The following HDAC8 variants were observed in gnomAD, a reference collection of about 807,000 sequenced individuals.
The protein encoded by HDAC8 is histone deacetylase-like 1.
HDAC8 carries 1 observed loss-of-function variant against 32.2 expected under a neutral mutation model. That is an observed-to-expected ratio of 0.03 (90% confidence interval 0.01 to 0.15). The LOEUF is 0.15. HDAC8 is among the 10% of genes least tolerant of loss of function. The pLI, the probability that HDAC8 is intolerant of heterozygous loss-of-function variation, is 1.00. For missense variants in HDAC8, 117 were observed against 300.0 expected, an observed-to-expected ratio of 0.39 and a Z score of 4.51; for synonymous variants, 108 against 113.9, an observed-to-expected ratio of 0.95 and a Z score of 0.33.
chrX:72,368,006 C>T (rs1164636810), intron 9 of HDAC8, among the ~76,000 whole-genome samples: 1 of 113,285 alleles, frequency 8.8e-6, no homozygotes, highest in Non-Finnish European at 1.9e-5. Context: ...GAGCTAAATT[C>T]AGAGCTACTG....
At chrX:72,371,490 G>A (rs1468911266) in intron 9 of HDAC8, among the ~76,000 whole-genome samples, 1 of 111,468 alleles carries the variant, frequency 9.0e-6, no homozygotes, top group African/African-American at 3.3e-5. Flanking sequence ...GCCACTTTTG[G>A]GAACTAGGAA....
At chrX:72,376,708 C>T (rs1401996174) in intron 9 of HDAC8, among the ~76,000 whole-genome samples, 3 of 111,734 alleles carry the variant, frequency 2.7e-5, no homozygotes, top group Admixed American at 9.5e-5. Flanking sequence ...TGTGAGCCAC[C>T]ATGCCCCACC....
intron 10 of HDAC8, among the ~76,000 whole-genome samples, chrX:72,340,685 C>G (rs1602521959): frequency 1.8e-5 from 2 of 111,986 alleles, no homozygotes; most frequent in Admixed American, 1.9e-4. Flanking sequence ...AAGATAAATT[C>G]TCCAGGACAA....
At chrX:72,521,333 T>C (rs1459272851) in intron 4 of HDAC8, among the ~76,000 whole-genome samples, 1 of 111,599 alleles carries the variant, frequency 9.0e-6, no homozygotes, top group Non-Finnish European at 1.9e-5. Context: ...GACTATGCTA[T>C]AATCCATTTC....
intron 9 of HDAC8, among the ~76,000 whole-genome samples, chrX:72,358,989 G>GT (rs1314477623): frequency 1.8e-5 from 2 of 111,445 alleles, no homozygotes; most frequent in African/African-American, 6.5e-5. Flanking sequence ...CTCTTGCTGT[G>GT]TGTCCCGGTT....
intron 7 of HDAC8, among the ~76,000 whole-genome samples, chrX:72,478,741 C>T (rs1329663307): frequency 5.6e-5 from 6 of 106,294 alleles, no homozygotes; most frequent in Non-Finnish European, 5.8e-5. Context: ...GTAACCTCCG[C>T]CTCCTGGGTT....
intron 10 of HDAC8, among the ~76,000 whole-genome samples, chrX:72,347,482 G>A (rs1802078052): frequency 9.0e-6 from 1 of 111,621 alleles, no homozygotes; most frequent in Non-Finnish European, 1.9e-5. Flanking sequence ...TCTCACAAAT[G>A]CACAACTCCC....
At chrX:72,457,993 T>TAC (rs782161512) in intron 9 of HDAC8, among the ~76,000 whole-genome samples, 115 of 108,441 alleles carry the variant, frequency 1.1e-3, no homozygotes, top group East Asian at 2.6e-3. Context: ...CACATATACA[T>TAC]ACACACACAC....
chrX:72,364,663 T>C lies in HDAC8; in HGVS notation c.1006-12825A>G, dbSNP rs782721356. 9.9e-5 allele frequency among the ~76,000 whole-genome samples: 11 copies of C among 111,603 alleles called. No homozygotes were observed. In the South Asian group the frequency reaches 4.2e-3, roughly 42 times the overall value. The stretch of plus-strand genomic sequence containing the variant: ...ATGCTTTGTTTAGAGGCATTGAATT[T>C]TGTGCATTCAAAATACCTGAAATAA... On this transcript the variant is annotated intron_variant, in intron 9 of 10. Coordinates refer to ENST00000373573, the MANE Select transcript of HDAC8 (RefSeq NM_018486.3).
chrX:72,489,513 A>G (rs2048788372), intron 6 of HDAC8, among the ~76,000 whole-genome samples: 2 of 111,469 alleles, frequency 1.8e-5, no homozygotes, highest in African/African-American at 6.5e-5. Context: ...AGGATTCCCT[A>G]TTTAATAAAT....
At chrX:72,368,542 A>G (rs902459761) in intron 9 of HDAC8, among the ~76,000 whole-genome samples, 13 of 111,009 alleles carry the variant, frequency 1.2e-4, no homozygotes, top group African/African-American at 3.9e-4. Flanking sequence ...TTTTTAGTAG[A>G]GATGGGGTTT....
intron 4 of HDAC8, among the ~76,000 whole-genome samples, chrX:72,550,575 GT>G (rs1224640592): frequency 9.2e-6 from 1 of 108,860 alleles, no homozygotes. Flanking sequence ...CCCAGAACAA[GT>G]TTCACGAAAC....
At chrX:72,478,136 C>T (rs781819222) in intron 7 of HDAC8, among the ~76,000 whole-genome samples, 15 of 112,289 alleles carry the variant, frequency 1.3e-4, no homozygotes, top group African/African-American at 4.2e-4. Flanking sequence ...CAGGACTGCA[C>T]GGGGGAATGT....
At chrX:72,417,060 A>G (rs1332627900) in intron 9 of HDAC8, among the ~76,000 whole-genome samples, 1 of 111,544 alleles carries the variant, frequency 9.0e-6, no homozygotes, top group Non-Finnish European at 1.9e-5. Flanking sequence ...TGTACAATTC[A>G]GTGACATTAG....
intron 4 of HDAC8, among the ~76,000 whole-genome samples, chrX:72,555,121 G>A (rs1283115296): frequency 8.9e-6 from 1 of 112,248 alleles, no homozygotes; most frequent in Non-Finnish European, 1.9e-5. Context: ...GGGTAGCTCT[G>A]CTGGGTGGCT....
intron 9 of HDAC8, among the ~76,000 whole-genome samples, chrX:72,406,642 T>A (rs1257151741): frequency 8.9e-6 from 1 of 112,341 alleles, no homozygotes; most frequent in African/African-American, 3.2e-5. Context: ...AAAATCTCAG[T>A]AATAATTTTT....
At chrX:72,340,131 C>T (rs2043847997) in intron 10 of HDAC8, among the ~76,000 whole-genome samples, 1 of 111,724 alleles carries the variant, frequency 9.0e-6, no homozygotes, top group African/African-American at 3.3e-5. Context: ...TCTAAAATAG[C>T]CTATGATTCA....
At chrX:72,344,023 G>A (rs1483702169) in intron 10 of HDAC8, among the ~76,000 whole-genome samples, 3 of 111,949 alleles carry the variant, frequency 2.7e-5, no homozygotes, top group East Asian at 2.8e-4. Flanking sequence ...AAAAGGTGCC[G>A]CTCCCATTTT....
intron 9 of HDAC8, among the ~76,000 whole-genome samples, chrX:72,441,017 A>G (rs985076344): frequency 1.8e-5 from 2 of 113,131 alleles, no homozygotes; most frequent in African/African-American, 3.2e-5. Context: ...TGCTTAGGTA[A>G]ACAAAGCAGT....
Sources: gnomAD v4.1 joint callset for allele counts (sites outside exome capture counted in the v4.1 genomes callset) on GRCh38, gnomAD v4.1.1 for gene constraint, MANE v1.5 for transcripts, NCBI Gene and HGNC (gene_info 2026-07-23, HGNC 2026-07-21) for gene names.